SNX29: variants seen among roughly 807,000 people sequenced by gnomAD.
SNX29 encodes the protein sorting nexin 29.
A neutral mutation model predicts 102.1 loss-of-function variants in SNX29; 78 were observed. The ratio of observed to expected loss-of-function variants is 0.76; its 90% CI spans 0.64 to 0.92. The LOEUF (loss-of-function observed/expected upper bound fraction) is 0.92, where lower values mean the gene tolerates loss of function less well. SNX29 is among the 40% of genes least tolerant of loss of function. The probability of loss-of-function intolerance (pLI) is 0.00; values close to 1 mark genes in which losing one functional copy is unlikely to be tolerated. For synonymous variants in SNX29, 580 were observed against 414.5 expected, an observed-to-expected ratio of 1.40 and a Z score of -4.85; for missense variants, 1,280 against 1,061.7, an observed-to-expected ratio of 1.21 and a Z score of -2.86.
chr16:12,477,355 C>G (rs771435721), intron 18 of SNX29, among the ~76,000 whole-genome samples: 2 of 152,174 alleles, frequency 1.3e-5, no homozygotes, highest in African/African-American at 4.8e-5. Flanking sequence ...GATGAGGAAA[C>G]AAGTGTCCAG....
At chr16:12,524,443 C>T (rs1198682072) in intron 19 of SNX29, among the ~76,000 whole-genome samples, 2 of 151,878 alleles carry the variant, frequency 1.3e-5, no homozygotes, top group African/African-American at 4.8e-5. Flanking sequence ...CCATAAATAA[C>T]TGTCCCATTT....
intron 19 of SNX29, among the ~76,000 whole-genome samples, chr16:12,497,256 G>C (rs925965148): frequency 6.6e-6 from 1 of 152,206 alleles, no homozygotes; most frequent in Admixed American, 6.5e-5. Flanking sequence ...TTAATTTCTA[G>C]ATAAACATTC....
At chr16:12,269,143 G>A (rs2079018655) in intron 14 of SNX29, among the ~76,000 whole-genome samples, 1 of 152,138 alleles carries the variant, frequency 6.6e-6, no homozygotes, top group Non-Finnish European at 1.5e-5. Context: ...TCTTGTTTTT[G>A]CCAAATCATT....
At chr16:12,353,639 C>T (rs2082054524) in intron 15 of SNX29, among the ~76,000 whole-genome samples, 1 of 152,220 alleles carries the variant, frequency 6.6e-6, no homozygotes, top group Admixed American at 6.5e-5. Context: ...CTGTAGTTTC[C>T]TCCACTGGTC....
At position 12,240,585 on chromosome 16, in the gene SNX29, C is replaced by CTTTTTTTTTTTTTTTTTTTTTTT. The variant is rs1180028807; in HGVS notation, c.1679-37343_1679-37321dup. Among the ~76,000 whole-genome samples, 8 of 64,788 alleles carry CTTTTTTTTTTTTTTTTTTTTTTT rather than the reference C, an allele frequency of 1.2e-4. 3 individuals carry two copies. The highest frequency in any genetic ancestry group is 1.4e-3 in the South Asian group (2 of 1,478). 42.5% of individuals were successfully genotyped at this position (64,788 alleles called of 152,430 possible). On this transcript the variant is annotated intron_variant, in intron 14 of 20. Coordinates refer to ENST00000566228, the MANE Select transcript of SNX29 (RefSeq NM_032167.5). The stretch of plus-strand genomic sequence containing the variant: ...ATAAAATAGCATTTCTTTGTCATTT[C>CTTTTTTTTTTTTTTTTTTTTTTT]TTTTTTTTTTTTTTTTTTTTTTTTT...
intron 20 of SNX29, among the ~76,000 whole-genome samples, chr16:12,542,331 G>A (rs1201965989): frequency 2.0e-5 from 3 of 152,204 alleles, no homozygotes; most frequent in Non-Finnish European, 2.9e-5. Flanking sequence ...TGCTGTTAGA[G>A]CAAGAGATTG....
At chr16:12,371,525 C>T (rs1454605553) in intron 16 of SNX29, among the ~76,000 whole-genome samples, 1 of 152,176 alleles carries the variant, frequency 6.6e-6, no homozygotes, top group Non-Finnish European at 1.5e-5. Flanking sequence ...CCATACTGGT[C>T]TCGAACTTCT....
chr16:12,571,471 C>T lies in SNX29; in HGVS notation c.*2842C>T, dbSNP rs143087966. The T allele has an allele frequency of 7.7e-6, 2 of 258,868 alleles. No individual in the cohort carries two copies. The highest frequency in any genetic ancestry group is 7.0e-6 in the Non-Finnish European group (1 of 142,122). The allele number at this position is 258,868 out of a possible 1,614,324, so 16.0% of individuals were successfully genotyped here. ...CAACATCTGAGAACAGAAGCCCCCT[C>T]CCCTACTCAGAGAGGAACGAGGGTG... On this transcript the variant is annotated 3_prime_UTR_variant, in exon 21 of 21. Transcript: ENST00000566228.
chr16:12,307,885 C>G (rs193088749), intron 15 of SNX29, among the ~76,000 whole-genome samples: 29 of 152,340 alleles, frequency 1.9e-4, no homozygotes, highest in Non-Finnish European at 3.5e-4. Context: ...CTTCTGAACT[C>G]CTGGCCCACC....
intron 11 of SNX29, among the ~76,000 whole-genome samples, chr16:12,110,288 C>T (rs1271640365): frequency 1.3e-5 from 2 of 152,150 alleles, no homozygotes; most frequent in African/African-American, 4.8e-5. Context: ...TGGGGTGAGG[C>T]AGCCCTTCCT....
chr16:12,147,144 C>T (rs756174715), intron 13 of SNX29, among the ~76,000 whole-genome samples: 2 of 152,230 alleles, frequency 1.3e-5, no homozygotes, highest in Non-Finnish European at 2.9e-5. Flanking sequence ...CGCGTGCCCG[C>T]GTTGAATGGT....
chr16:12,213,886 G>C (rs1596525923), intron 14 of SNX29, among the ~76,000 whole-genome samples: 1 of 152,194 alleles, frequency 6.6e-6, no homozygotes, highest in East Asian at 1.9e-4. Context: ...GATGAATACT[G>C]GGTAGGCAGC....
chr16:12,188,895 GAA>G (rs974484870), intron 13 of SNX29, among the ~76,000 whole-genome samples: 3 of 152,184 alleles, frequency 2.0e-5, no homozygotes, highest in Non-Finnish European at 4.4e-5. Flanking sequence ...GGAAGGAAAG[GAA>G]AAGTTACCCA....
intron 19 of SNX29, among the ~76,000 whole-genome samples, chr16:12,509,736 T>TG (rs2089526910): frequency 2.0e-5 from 3 of 152,070 alleles, no homozygotes; most frequent in Non-Finnish European, 4.4e-5. Flanking sequence ...CTGAGCAACA[T>TG]AGTGAGAGCT....
In SNX29 at chr16:12,312,092, G is replaced by A. The variant is rs910846920; in HGVS notation, c.1782+34056G>A. Among the ~76,000 whole-genome samples the A allele has an allele frequency of 3.3e-5, 5 of 152,218 alleles. No individual in the cohort carries two copies. In the South Asian group the frequency reaches 1.0e-3, roughly 32 times the overall value. Reference sequence around the variant, plus strand: ...CTCAGGTGGCTGCTCTGAGCTGCAAGGGAAGCTGGGAAATGTAGTCTTTAT... The same window carrying A: ...CTCAGGTGGCTGCTCTGAGCTGCAAAGGAAGCTGGGAAATGTAGTCTTTAT... On this transcript the variant is annotated intron_variant, in intron 15 of 20. Transcript: ENST00000566228.
chr16:12,323,923 CCAGA>C (rs754135543), intron 15 of SNX29, among the ~76,000 whole-genome samples: 30 of 151,980 alleles, frequency 2.0e-4, no homozygotes, highest in Non-Finnish European at 3.1e-4. Flanking sequence ...TTAAACTGTT[CCAGA>C]CTTTTTAAGG....
At chr16:12,463,708 A>C (rs193236114) in intron 18 of SNX29, among the ~76,000 whole-genome samples, 9 of 152,012 alleles carry the variant, frequency 5.9e-5, no homozygotes, top group Non-Finnish European at 1.3e-4. Context: ...AAATATTGAC[A>C]AATAAAAATT....
intron 9 of SNX29, among the ~76,000 whole-genome samples, chr16:12,064,437 T>C (rs75312502): frequency 0.012 from 1,827 of 152,318 alleles, 37 homozygotes; most frequent in African/African-American, 0.042. Flanking sequence ...GTCAGCTCCA[T>C]CTTCTCACTG....
At chr16:12,454,107 G>C (rs1224476460) in intron 18 of SNX29, among the ~76,000 whole-genome samples, 1 of 152,160 alleles carries the variant, frequency 6.6e-6, no homozygotes, top group Non-Finnish European at 1.5e-5. Flanking sequence ...TATTGGTTGT[G>C]GCTTCCCAGA....
Sources: allele counts gnomAD v4.1 joint callset (sites outside exome capture counted in the v4.1 genomes callset), GRCh38; gene constraint gnomAD v4.1.1; transcripts MANE v1.5; gene names NCBI Gene and HGNC (gene_info 2026-07-23, HGNC 2026-07-21).